ANKRD13C: variants seen among roughly 807,000 people sequenced by gnomAD.
ANKRD13C encodes ankyrin repeat domain-containing protein 13C.
Under a neutral mutation model 65.5 loss-of-function variants are expected in ANKRD13C, and 16 were observed. The observed-to-expected ratio is 0.24, with a 90% confidence interval of 0.17 to 0.37. The LOEUF (loss-of-function observed/expected upper bound fraction) is 0.37, where lower values mean the gene tolerates loss of function less well. Among genes scored for constraint, ANKRD13C ranks in the 10% least tolerant of loss-of-function variants. The pLI is 1.00. For missense variants in ANKRD13C, 503 were observed against 655.9 expected (o/e 0.77, Z 2.55); for synonymous variants, 235 against 238.7 (o/e 0.98, Z 0.14).
intron 1 of ANKRD13C, among the ~76,000 whole-genome samples, chr1:70,348,147 C>G (rs1306948497): frequency 5.3e-5 from 8 of 152,012 alleles, no homozygotes; most frequent in Admixed American, 5.2e-4. Context: ...TATCACCCAT[C>G]ATGAAGGTTT....
At chr1:70,285,271 C>T (rs1679570543) in intron 9 of ANKRD13C, among the ~76,000 whole-genome samples, 1 of 148,506 alleles carries the variant, frequency 6.7e-6, no homozygotes, top group Non-Finnish European at 1.5e-5. Flanking sequence ...CGGCTCACTG[C>T]CACCTCTGCC....
intron 1 of ANKRD13C, among the ~76,000 whole-genome samples, chr1:70,340,422 C>A (rs1272182533): frequency 1.3e-5 from 2 of 152,098 alleles, no homozygotes; most frequent in African/African-American, 4.8e-5. Flanking sequence ...TTTCAATCGT[C>A]TGAAATGTGT....
Position 70,260,339 on chromosome 1 carries a change from C to G in ANKRD13C, c.*2378G>C, listed in dbSNP as rs1219946259. Among the ~76,000 whole-genome samples, 1 of 152,052 alleles carries G rather than the reference C, an allele frequency of 6.6e-6. No homozygotes were observed. The highest frequency in any genetic ancestry group is 2.4e-5 in the African/African-American group (1 of 41,422). On this transcript the variant is annotated 3_prime_UTR_variant, in exon 13 of 13. Transcript: ENST00000370944. ...AACCATATCTTCTCTGGATACCATA[C>G]CAGTGGGCAAGAATATTAACCATTT...
At chr1:70,290,730 A>T (rs28403019) in intron 9 of ANKRD13C, among the ~76,000 whole-genome samples, 1 of 151,344 alleles carries the variant, frequency 6.6e-6, no homozygotes, top group Non-Finnish European at 1.5e-5. Flanking sequence ...TTAATTTTTT[A>T]TTTTTTTAGT....
intron 2 of ANKRD13C, among the ~76,000 whole-genome samples, chr1:70,333,053 C>T (rs12037272): frequency 0.11 from 16,842 of 151,998 alleles, 1,144 homozygotes; most frequent in East Asian, 0.33. Context: ...GAATGGTTCT[C>T]AGTGAAAAAG....
chr1:70,281,076 G>C (rs918755997), intron 9 of ANKRD13C, among the ~76,000 whole-genome samples: 3 of 150,434 alleles, frequency 2.0e-5, no homozygotes, highest in Non-Finnish European at 1.5e-5. Flanking sequence ...GAGGAAGGAG[G>C]GAAGAAAGCA....
At chr1:70,289,766 G>A (rs1028002452) in intron 9 of ANKRD13C, among the ~76,000 whole-genome samples, 10 of 151,600 alleles carry the variant, frequency 6.6e-5, no homozygotes, top group Admixed American at 5.3e-4. Context: ...CTGAGCCACC[G>A]CGCCCAGCCT....
chr1:70,295,182 GTTAAA>G (rs1273882562), intron 8 of ANKRD13C, among the ~76,000 whole-genome samples: 3 of 151,984 alleles, frequency 2.0e-5, no homozygotes, highest in Non-Finnish European at 4.4e-5. Context: ...GTCACTTACT[GTTAAA>G]TTTAAAATTT....
chr1:70,331,366 G>T lies in ANKRD13C; in HGVS notation c.472+4692C>A, dbSNP rs562710254. On this transcript the variant is annotated intron_variant, in intron 2 of 12. Transcript: ENST00000370944. ...ATCTGAGGTCAGGAGTTCGAGACCAGCCTAGCCAATATGGTGAAACCCCGT... is the reference window on the plus strand; with the variant it reads ...ATCTGAGGTCAGGAGTTCGAGACCATCCTAGCCAATATGGTGAAACCCCGT... 3.2e-3 allele frequency among the ~76,000 whole-genome samples: 484 copies of T among 152,090 alleles called. 4 individuals are homozygous for T. The highest frequency in any genetic ancestry group is 5.0e-3 in the Non-Finnish European group (341 of 67,980).
In ANKRD13C at chr1:70,286,080, G is replaced by GA. The variant is rs772285205; in HGVS notation, c.1215+6307dup. Among the ~76,000 whole-genome samples the GA allele has an allele frequency of 8.9e-4, 135 of 151,828 alleles. No homozygotes were observed. The Middle Eastern group carries it at 0.01, about 12-fold the overall frequency. On this transcript the variant is annotated intron_variant, in intron 9 of 12. Transcript: ENST00000370944. Reference sequence around the variant, plus strand: ...TTAAATTCTGTGTCTGTGTCTAAGAGAAAAAACAACACACAGCTACCAGTA... The same window carrying GA: ...TTAAATTCTGTGTCTGTGTCTAAGAGAAAAAAACAACACACAGCTACCAGTA...
At chr1:70,277,182 G>T (rs376854249) in intron 9 of ANKRD13C, among the ~76,000 whole-genome samples, 1 of 152,198 alleles carries the variant, frequency 6.6e-6, no homozygotes, top group African/African-American at 2.4e-5. Flanking sequence ...TCTGGGCCAG[G>T]CATAGTGGCT....
At chr1:70,284,037 G>C (rs915163345) in intron 9 of ANKRD13C, among the ~76,000 whole-genome samples, 1 of 151,902 alleles carries the variant, frequency 6.6e-6, no homozygotes, top group African/African-American at 2.4e-5. Flanking sequence ...CAAAAATTCT[G>C]TCAAAAATAT....
At chr1:70,337,199 C>A (rs945600904) in intron 1 of ANKRD13C, among the ~76,000 whole-genome samples, 3 of 151,096 alleles carry the variant, frequency 2.0e-5, no homozygotes, top group Admixed American at 6.6e-5. Context: ...TCAATAAAGG[C>A]AGAATGGAAT....
chr1:70,326,180 G>A (rs1408802145), intron 2 of ANKRD13C, among the ~76,000 whole-genome samples: 3 of 127,126 alleles, frequency 2.4e-5, no homozygotes, highest in Non-Finnish European at 4.7e-5. Flanking sequence ...GCAGTGAGCC[G>A]AGATTGCGCC....
intron 12 of ANKRD13C, among the ~76,000 whole-genome samples, chr1:70,265,080 A>G (rs1399701497): frequency 6.6e-6 from 1 of 152,216 alleles, no homozygotes; most frequent in Non-Finnish European, 1.5e-5. Context: ...GAGGGGAAAT[A>G]GGCTGCCAGA....
intron 3 of ANKRD13C, among the ~76,000 whole-genome samples, chr1:70,320,977 T>C (rs1274564591): frequency 1.3e-5 from 2 of 151,904 alleles, no homozygotes; most frequent in African/African-American, 4.8e-5. Context: ...TTTGTAGTGT[T>C]GGGGTCCCCC....
At chr1:70,340,388 G>A (rs1166294174) in intron 1 of ANKRD13C, among the ~76,000 whole-genome samples, 1 of 152,024 alleles carries the variant, frequency 6.6e-6, no homozygotes, top group Non-Finnish European at 1.5e-5. Context: ...TATCTGCATT[G>A]CGATCAGAGA....
At chr1:70,335,135 G>A (rs192823477) in intron 2 of ANKRD13C, among the ~76,000 whole-genome samples, 11 of 151,850 alleles carry the variant, frequency 7.2e-5, no homozygotes, top group East Asian at 1.9e-4. Context: ...ATTTGGGTGC[G>A]GTGGCTCACA....
chr1:70,323,102 G>A (rs983697568), intron 3 of ANKRD13C, among the ~76,000 whole-genome samples: 1 of 152,194 alleles, frequency 6.6e-6, no homozygotes, highest in African/African-American at 2.4e-5. Flanking sequence ...ATCAGAGGAA[G>A]TTTCTTCAGA....
Sources: allele counts gnomAD v4.1 joint callset (sites outside exome capture counted in the v4.1 genomes callset), GRCh38; gene constraint gnomAD v4.1.1; transcripts MANE v1.5; gene names NCBI Gene and HGNC (gene_info 2026-07-23, HGNC 2026-07-21).